The following CCDC3 variants were observed in gnomAD, a reference collection of about 807,000 sequenced individuals.
The protein encoded by CCDC3 is coiled-coil domain-containing protein 3.
Under a neutral mutation model 21.4 loss-of-function variants are expected in CCDC3, and 24 were observed. The observed-to-expected ratio is 1.12, with a 90% CI of 0.81 to 1.58. The LOEUF (loss-of-function observed/expected upper bound fraction) is 1.58. Ranked by LOEUF, CCDC3 falls within the 40% of genes most tolerant of loss-of-function variation. CCDC3 has a pLI of 0.00. For synonymous variants in CCDC3, 186 were observed against 166.0 expected (o/e 1.12, Z -0.93); for missense variants, 425 against 360.9 (o/e 1.18, Z -1.44).
chr10:13,019,822 C>T (rs1836122107), intron 5 of CCDC3, among the ~76,000 whole-genome samples: 1 of 151,846 alleles, frequency 6.6e-6, no homozygotes, highest in Non-Finnish European at 1.5e-5. Flanking sequence ...ATGGTGAAAC[C>T]CCGTCTTTAC....
intron 5 of CCDC3, among the ~76,000 whole-genome samples, chr10:13,025,348 C>T (rs930227628): frequency 1.3e-5 from 2 of 152,206 alleles, no homozygotes; most frequent in African/African-American, 4.8e-5. Flanking sequence ...ACCTATCAAG[C>T]CTTCCCTTGC....
At chr10:12,908,374 T>C (rs1834210503) in intron 2 of CCDC3, among the ~76,000 whole-genome samples, 1 of 152,112 alleles carries the variant, frequency 6.6e-6, no homozygotes, top group African/African-American at 2.4e-5. Context: ...GGTGGAGATC[T>C]CCAACATGCA....
At chr10:12,995,086 G>A (rs200622700) in intron 2 of CCDC3, among the ~76,000 whole-genome samples, 657 of 138,922 alleles carry the variant, frequency 4.7e-3, no homozygotes, top group South Asian at 4.5e-3. Context: ...CATCTCAAAA[G>A]AAAAAAAAAA....
chr10:13,041,064 T>TAA (rs150803083), intron 5 of CCDC3, among the ~76,000 whole-genome samples: 196 of 152,266 alleles, frequency 1.3e-3, no homozygotes, highest in African/African-American at 4.2e-3. Context: ...AAACACTGAG[T>TAA]AATTATTTTT....
chr10:12,927,962 C>A (rs1452464926), intron 2 of CCDC3, among the ~76,000 whole-genome samples: 2 of 152,256 alleles, frequency 1.3e-5, no homozygotes, highest in African/African-American at 4.8e-5. Context: ...CCCTGGGTAA[C>A]AGATGAACAT....
intron 2 of CCDC3, among the ~76,000 whole-genome samples, chr10:12,978,956 C>T (rs560899001): frequency 1.3e-5 from 2 of 152,136 alleles, no homozygotes; most frequent in South Asian, 2.1e-4. Flanking sequence ...CACGCAACAC[C>T]GCCTTCCTTT....
intron 2 of CCDC3, among the ~76,000 whole-genome samples, chr10:12,997,969 T>C (rs150318427): frequency 9.3e-4 from 141 of 152,236 alleles, no homozygotes; most frequent in African/African-American, 3.0e-3. Flanking sequence ...GTTTACAAAT[T>C]TGTGTTGGGC....
intron 2 of CCDC3, among the ~76,000 whole-genome samples, chr10:12,955,001 A>G (rs906582218): frequency 2.6e-5 from 4 of 152,164 alleles, no homozygotes; most frequent in Non-Finnish European, 5.9e-5. Flanking sequence ...TCCCACCTAG[A>G]CATTACCAGT....
intron 2 of CCDC3, among the ~76,000 whole-genome samples, chr10:12,993,453 T>G (rs1467643002): frequency 6.6e-6 from 1 of 151,802 alleles, no homozygotes; most frequent in Non-Finnish European, 1.5e-5. Flanking sequence ...AAGAAAATGA[T>G]AGCAAGATCT....
At chr10:12,979,146 C>T (rs1835460205) in intron 2 of CCDC3, among the ~76,000 whole-genome samples, 1 of 152,212 alleles carries the variant, frequency 6.6e-6, no homozygotes, top group Middle Eastern at 3.4e-3. Context: ...TAAACTAGCC[C>T]TAAAACTGAG....
At chr10:12,969,769 C>T (rs1835314699) in intron 2 of CCDC3, among the ~76,000 whole-genome samples, 1 of 148,428 alleles carries the variant, frequency 6.7e-6, no homozygotes, top group African/African-American at 2.5e-5. Flanking sequence ...GATATTCATT[C>T]TTAAAAAAAA....
chr10:12,935,241 C>A (rs7090072), intron 2 of CCDC3, among the ~76,000 whole-genome samples: 14,690 of 152,058 alleles, frequency 0.097, 747 homozygotes, highest in African/African-American at 0.13. Flanking sequence ...TTGTTTGAGA[C>A]AGAATTTTGC....
At chr10:12,971,836 G>C (rs1835347922) in intron 2 of CCDC3, among the ~76,000 whole-genome samples, 1 of 152,092 alleles carries the variant, frequency 6.6e-6, no homozygotes, top group Non-Finnish European at 1.5e-5. Context: ...ACAGGTGCCT[G>C]CCACCATGCC....
chr10:12,986,207 G>A (rs1336489099), intron 2 of CCDC3, among the ~76,000 whole-genome samples: 3 of 152,100 alleles, frequency 2.0e-5, no homozygotes, highest in African/African-American at 7.2e-5. Flanking sequence ...AATTACTTTT[G>A]TACATTTTAC....
At chr10:13,047,738 T>C (rs1478763944) in intron 5 of CCDC3, among the ~76,000 whole-genome samples, 1 of 152,186 alleles carries the variant, frequency 6.6e-6, no homozygotes, top group African/African-American at 2.4e-5. Context: ...CATGGGCCTC[T>C]CTAAAGCTCT....
intron 3 of CCDC3, among the ~76,000 whole-genome samples, chr10:13,087,443 G>A (rs1837125149): frequency 6.7e-6 from 1 of 150,338 alleles, no homozygotes; most frequent in South Asian, 2.1e-4. Context: ...CAGTGCTGAC[G>A]ATATCTGGCC....
chr10:12,990,263 C>CAAAAAAA (rs61700228), intron 2 of CCDC3, among the ~76,000 whole-genome samples: 1 of 99,798 alleles, frequency 1.0e-5, no homozygotes, highest in Non-Finnish European at 2.2e-5. Flanking sequence ...CCGTCTCAAC[C>CAAAAAAA]AAAAAAAAAA....
chr10:12,992,762 T>A lies in CCDC3; in HGVS notation c.549+5576A>T, dbSNP rs184337584. Among the ~76,000 whole-genome samples the A allele has an allele frequency of 5.0e-4, 76 of 152,242 alleles. No individual in the cohort carries two copies. The East Asian group carries it at 8.5e-3, about 17-fold the overall frequency. ...CAGAAATTACCACTGAAGAATTGAT[T>A]CGTGCAACCAAACACCACCTGTTCC... is the stretch of plus-strand genomic sequence containing the variant. On this transcript the variant is annotated intron_variant, in intron 2 of 2. Transcript: ENST00000378825.
At chr10:12,943,368 T>G (rs1834864390) in intron 2 of CCDC3, among the ~76,000 whole-genome samples, 1 of 152,162 alleles carries the variant, frequency 6.6e-6, no homozygotes, top group Admixed American at 6.5e-5. Flanking sequence ...GGTGATGAGG[T>G]AGCTAAAAAG....
Sources: allele counts gnomAD v4.1 joint callset (sites outside exome capture counted in the v4.1 genomes callset), GRCh38; gene constraint gnomAD v4.1.1; transcripts MANE v1.5; gene names NCBI Gene and HGNC (gene_info 2026-07-23, HGNC 2026-07-21).